DRD3: variants seen among roughly 807,000 people sequenced by gnomAD.
DRD3 encodes the protein D(3) dopamine receptor.
A neutral mutation model predicts 36.3 loss-of-function variants in DRD3; 19 were observed. The observed-to-expected ratio is 0.52, with a 90% CI of 0.36 to 0.77. The LOEUF (loss-of-function observed/expected upper bound fraction) is 0.77. DRD3 is among the 30% of genes least tolerant of loss of function. The pLI, the probability that DRD3 is intolerant of heterozygous loss-of-function variation, is 0.00. For missense variants in DRD3, 465 were observed against 505.3 expected (o/e 0.92, Z 0.77); for synonymous variants, 195 against 203.7 (o/e 0.96, Z 0.36).
intron 1 of DRD3, among the ~76,000 whole-genome samples, chr3:114,172,992 T>C (rs1248455252): frequency 6.6e-6 from 1 of 151,942 alleles, no homozygotes. Context: ...CCTAAATTCA[T>C]ATGTAGAAAT....
chr3:114,189,277 G>A (rs1454396966), intron 1 of DRD3, among the ~76,000 whole-genome samples: 3 of 152,172 alleles, frequency 2.0e-5, no homozygotes, highest in African/African-American at 7.2e-5. Context: ...CACATCAAGA[G>A]TAAGATTATT....
intron 1 of DRD3, among the ~76,000 whole-genome samples, chr3:114,198,763 G>C (rs530453517): frequency 6.6e-6 from 1 of 152,056 alleles, no homozygotes; most frequent in East Asian, 1.9e-4. Flanking sequence ...TTAGAGGCAA[G>C]GTCTTGCTCT....
At chr3:114,173,071 G>A (rs2077862488) in intron 1 of DRD3, among the ~76,000 whole-genome samples, 1 of 151,948 alleles carries the variant, frequency 6.6e-6, no homozygotes, top group Non-Finnish European at 1.5e-5. Flanking sequence ...TGAGGACAGA[G>A]CCCTCATGAA....
chr3:114,147,252 A>G (rs2077576955), intron 4 of DRD3, among the ~76,000 whole-genome samples, 163 bp downstream of exon 4: 1 of 152,094 alleles, frequency 6.6e-6, no homozygotes, highest in Non-Finnish European at 1.5e-5. Flanking sequence ...TATTTTATTT[A>G]TAACCCACAA....
intron 2 of DRD3, among the ~76,000 whole-genome samples, chr3:114,168,766 T>A (rs1002125463): frequency 1.3e-5 from 2 of 152,220 alleles, no homozygotes; most frequent in Non-Finnish European, 2.9e-5. Flanking sequence ...ATTCTGGTTA[T>A]TTGAAAAACA....
intron 2 of DRD3, among the ~76,000 whole-genome samples, chr3:114,169,725 G>A (rs1195940651): frequency 6.6e-6 from 1 of 152,092 alleles, no homozygotes; most frequent in Non-Finnish European, 1.5e-5. Flanking sequence ...CTCAGTAGTA[G>A]AATAGGAGCA....
chr3:114,128,516 G>T lies in DRD3; in HGVS notation c.*200C>A, dbSNP rs2077397077. 3 of 456,066 alleles carry T rather than the reference G, an allele frequency of 6.6e-6. No individual in the cohort carries two copies. The highest frequency in any genetic ancestry group is 1.1e-5 in the Non-Finnish European group (3 of 262,196). The allele number at this position is 456,066 out of a possible 1,614,324, so 28.3% of individuals were successfully genotyped here. ...CTCCCCAGTCATTTGAAGATTGTCA[G>T]AATGAAGTCAGATTTTAGCTGGGGA... is the stretch of plus-strand genomic sequence containing the variant. On this transcript the variant is annotated 3_prime_UTR_variant, in exon 7 of 7. Transcript: ENST00000383673.
intron 2 of DRD3, among the ~76,000 whole-genome samples, chr3:114,161,611 A>G (rs1335917615): frequency 6.6e-6 from 1 of 152,192 alleles, no homozygotes; most frequent in African/African-American, 2.4e-5. Context: ...AAATCCAGTT[A>G]TGGATTTACT....
chr3:114,159,719 C>T (rs200616464), intron 3 of DRD3, 36 bp downstream of exon 3: 126 of 1,596,212 alleles, frequency 7.9e-5, no homozygotes, highest in Non-Finnish European at 1.1e-4. Flanking sequence ...ACTTCCCCAG[C>T]TTTTGGGCCA....
intron 4 of DRD3, among the ~76,000 whole-genome samples, chr3:114,146,698 C>CAAAAA (rs72463214): frequency 1.7e-5 from 1 of 58,136 alleles, no homozygotes; most frequent in African/African-American, 5.7e-5. Flanking sequence ...GACTTGGTCT[C>CAAAAA]AAAAAAAAAA....
chr3:114,164,308 A>G (rs1016557631), intron 2 of DRD3, among the ~76,000 whole-genome samples: 24 of 149,816 alleles, frequency 1.6e-4, no homozygotes, highest in African/African-American at 5.4e-4. Flanking sequence ...TTTCTCCTGC[A>G]TTCTAATGAA....
chr3:114,139,026 A>C (rs1423830119), intron 5 of DRD3, among the ~76,000 whole-genome samples: 2 of 152,218 alleles, frequency 1.3e-5, no homozygotes, highest in East Asian at 3.9e-4. Context: ...ATGCTTTATC[A>C]GCACCCTATC....
chr3:114,128,090 G>T lies in DRD3; in HGVS notation c.*626C>A, dbSNP rs769567989. Among the ~76,000 whole-genome samples, 101 of 152,182 alleles carry T rather than the reference G, an allele frequency of 6.6e-4. No homozygotes were observed. The highest frequency in any genetic ancestry group is 2.9e-3 in the Admixed American group (45 of 15,272). The stretch of plus-strand genomic sequence containing the variant: ...TTCTTAGCTAAAGCTAAAATACAAG[G>T]GTAGCAAAGTTTGAAATGAAGCCCC... On this transcript the variant is annotated 3_prime_UTR_variant, in exon 7 of 7. Coordinates refer to ENST00000383673, the MANE Select transcript of DRD3 (RefSeq NM_000796.6).
At chr3:114,179,668 C>A (rs2077934799), upstream of DRD3, among the ~76,000 whole-genome samples, 1 of 152,108 alleles carries the variant, frequency 6.6e-6, no homozygotes. Context: ...CTAACCATTT[C>A]CTGTTCTCTC....
At chr3:114,133,435 C>T (rs545933470) in intron 5 of DRD3, among the ~76,000 whole-genome samples, 28 of 151,790 alleles carry the variant, frequency 1.8e-4, no homozygotes, top group African/African-American at 6.8e-4. Context: ...GAATTGATCA[C>T]GACTGAGGCT....
chr3:114,146,007 C>T (rs1360553368), intron 4 of DRD3, among the ~76,000 whole-genome samples: 2 of 152,168 alleles, frequency 1.3e-5, no homozygotes, highest in African/African-American at 4.8e-5. Context: ...AGTTAAGTAA[C>T]TTGTTTAAGG....
intron 2 of DRD3, among the ~76,000 whole-genome samples, chr3:114,160,524 T>G (rs1446623299): frequency 2.0e-5 from 3 of 152,234 alleles, no homozygotes; most frequent in Admixed American, 6.5e-5. Flanking sequence ...GATAACTTCC[T>G]CATAGATGCT....
intron 1 of DRD3, among the ~76,000 whole-genome samples, chr3:114,196,708 T>A (rs905131579): frequency 6.6e-6 from 1 of 152,246 alleles, no homozygotes; most frequent in African/African-American, 2.4e-5. Flanking sequence ...TGGTTTTAAC[T>A]TGCGTTTCTC....
intron 3 of DRD3, among the ~76,000 whole-genome samples, chr3:114,150,838 C>A (rs1218961029): frequency 6.6e-6 from 1 of 152,182 alleles, no homozygotes; most frequent in African/African-American, 2.4e-5. Context: ...GCCAGCACTG[C>A]CCGAATCTGC....
Sources: allele counts gnomAD v4.1 joint callset (sites outside exome capture counted in the v4.1 genomes callset), GRCh38; gene constraint gnomAD v4.1.1; transcripts MANE v1.5; gene names NCBI Gene and HGNC (gene_info 2026-07-23, HGNC 2026-07-21).